HDAC9: variants seen among roughly 807,000 people sequenced by gnomAD.
HDAC9 encodes histone deacetylase 9, also known as MEF-2 interacting transcription repressor (MITR) protein.
In HDAC9, 41 loss-of-function variants were observed where a neutral mutation model predicts 139.4. That is an observed-to-expected ratio of 0.29 (90% CI 0.23 to 0.38). HDAC9 has a LOEUF of 0.38. Among genes scored for constraint, HDAC9 ranks in the 10% least tolerant of loss-of-function variants. The probability of loss-of-function intolerance (pLI) is 1.00; values close to 1 mark genes in which losing one functional copy is unlikely to be tolerated. For synonymous variants in HDAC9, 517 were observed against 476.2 expected (o/e 1.09, Z -1.12); for missense variants, 1,147 against 1,297.0 (o/e 0.88, Z 1.78).
At chr7:18,976,039 T>C (rs2129338057) in intron 25 of HDAC9, 86 bp downstream of exon 25, 1 of 1,379,016 alleles carries the variant, frequency 7.3e-7, no homozygotes, top group East Asian at 2.4e-5. Context: ...CTGGCTTTCC[T>C]TCACCTGTCT....
chr7:18,186,990 C>T (rs1287971899), intron 2 of HDAC9, among the ~76,000 whole-genome samples: 3 of 152,200 alleles, frequency 2.0e-5, no homozygotes, highest in Non-Finnish European at 4.4e-5. Flanking sequence ...GTGTTCAAAA[C>T]CCCTAGGCAT....
intron 24 of HDAC9, among the ~76,000 whole-genome samples, chr7:18,962,026 A>G (rs919921359): frequency 6.6e-6 from 1 of 152,224 alleles, no homozygotes; most frequent in Non-Finnish European, 1.5e-5. Flanking sequence ...AGATTTAGCC[A>G]CAGTCAGTTC....
intron 13 of HDAC9, among the ~76,000 whole-genome samples, chr7:18,740,306 C>A (rs577820497): frequency 6.6e-6 from 1 of 152,274 alleles, no homozygotes; most frequent in East Asian, 1.9e-4. Context: ...TTGAGATGAA[C>A]CAGGTACCTC....
intron 1 of HDAC9, among the ~76,000 whole-genome samples, chr7:18,305,330 A>G (rs1347655215): frequency 6.6e-6 from 1 of 152,222 alleles, no homozygotes; most frequent in Non-Finnish European, 1.5e-5. Flanking sequence ...GCAGGTTCTC[A>G]ATAAACAGTC....
rs755311898 is a variant in HDAC9, at chr7:18,590,408, A to C, written c.337A>C (p.Arg113=). 6.2e-7 allele frequency: 1 copy of C among 1,609,950 alleles called. No individual in the cohort carries two copies. The highest frequency in any genetic ancestry group is 1.7e-5 in the Admixed American group (1 of 59,324). ...LEKEQKLEQQ[R]QEQEVERHRR... is the part of the protein sequence containing the mutation. The stretch of plus-strand genomic sequence containing the variant: ...AAAGGAGCAGAAACTGGAGCAGCAG[A>C]GGCAAGAACAGGAAGTAGAGAGGCA... Residue 113 remains arginine, a synonymous_variant, in exon 4 of 26, where the codon AGG becomes CGG. Transcript: ENST00000686413.
intron 7 of HDAC9, among the ~76,000 whole-genome samples, chr7:18,632,485 A>G (rs1270021615): frequency 6.6e-6 from 1 of 152,080 alleles, no homozygotes; most frequent in Non-Finnish European, 1.5e-5. Context: ...GACATACGTT[A>G]TATGAGCCAG....
intron 13 of HDAC9, among the ~76,000 whole-genome samples, chr7:18,732,761 GTA>G (rs1312954319): frequency 5.1e-5 from 4 of 78,700 alleles, no homozygotes; most frequent in African/African-American, 6.5e-5. Context: ...ACACACACGT[GTA>G]TGTGTGCGTA....
At chr7:18,448,372 A>G (rs78546556) in intron 1 of HDAC9, among the ~76,000 whole-genome samples, 2,383 of 152,332 alleles carry the variant, frequency 0.016, 59 homozygotes, top group African/African-American at 0.055. Flanking sequence ...ACAATAATGC[A>G]TATTTATCGT....
intron 6 of HDAC9, among the ~76,000 whole-genome samples, chr7:18,598,282 C>T (rs553263699): frequency 2.6e-5 from 4 of 152,212 alleles, no homozygotes; most frequent in East Asian, 3.9e-4. Context: ...TCAAGATTGA[C>T]GAACACTGGA....
chr7:18,986,625 G>C (rs1785378645), intron 25 of HDAC9, among the ~76,000 whole-genome samples: 1 of 151,316 alleles, frequency 6.6e-6, no homozygotes, highest in African/African-American at 2.4e-5. Context: ...TTGGTAGCTT[G>C]ATGGGGATGG....
At chr7:18,346,063 T>C (rs372026146) in intron 1 of HDAC9, among the ~76,000 whole-genome samples, 3 of 152,232 alleles carry the variant, frequency 2.0e-5, no homozygotes, top group East Asian at 3.9e-4. Flanking sequence ...TTAGAAAATA[T>C]AGAAACAACA....
chr7:18,243,397 A>G (rs1420821879), intron 2 of HDAC9, among the ~76,000 whole-genome samples: 1 of 152,198 alleles, frequency 6.6e-6, no homozygotes, highest in African/African-American at 2.4e-5. Context: ...TGTTTTGCCA[A>G]AGTGTTCAAG....
chr7:18,219,365 A>G (rs1792526880), intron 2 of HDAC9, among the ~76,000 whole-genome samples: 1 of 152,186 alleles, frequency 6.6e-6, no homozygotes, highest in Non-Finnish European at 1.5e-5. Context: ...GTGTTGAAAA[A>G]TAATTGAATA....
chr7:18,952,508 T>G (rs1311406821), intron 23 of HDAC9, among the ~76,000 whole-genome samples: 1 of 151,940 alleles, frequency 6.6e-6, no homozygotes, highest in Non-Finnish European at 1.5e-5. Flanking sequence ...GAACATAGAG[T>G]GTCATTTCAA....
At chr7:18,572,411 C>T (rs564524544) in intron 2 of HDAC9, among the ~76,000 whole-genome samples, 1 of 150,458 alleles carries the variant, frequency 6.6e-6, no homozygotes, top group African/African-American at 2.5e-5. Flanking sequence ...TTATGAAACC[C>T]TATATTTGAG....
chr7:18,093,169 A>T (rs1319674409), intron 1 of HDAC9, among the ~76,000 whole-genome samples: 3 of 152,210 alleles, frequency 2.0e-5, no homozygotes, highest in Non-Finnish European at 4.4e-5. Flanking sequence ...AAACTCTGGC[A>T]GTTTAGTTTA....
At position 18,644,776 on chromosome 7, in the gene HDAC9, G is replaced by A. The variant is rs140253873; in HGVS notation, c.1018G>A (p.Val340Met). The change falls in exon 9 of 26, where the codon GTG becomes ATG. Residue 340 changes from valine (V) to methionine (M), a missense_variant. Val to Met is a conservative substitution (Grantham distance 21). Transcript: ENST00000686413. ...LPNITLGLPA[V>M]PSQLNASNSL... ...CAACATTACCTTGGGGCTTCCCGCA[G>A]TGCCATCCCAGCTCAATGTAAGTCA... The A allele has an allele frequency of 7.0e-5, 112 of 1,611,454 alleles. No homozygotes were observed. In the Admixed American group the frequency reaches 1.9e-3, roughly 27 times the overall value.
Position 18,749,081 on chromosome 7 carries a change from A to G in HDAC9, c.1986A>G (p.Gly662=), listed in dbSNP as rs753621673. 1 of 1,613,800 alleles carries G rather than the reference A, an allele frequency of 6.2e-7. No individual in the cohort carries two copies. ...CCACCACCCACCCTGAGCATGCTGG[A>G]CGAATACAGAGTATCTGGTCACGAC... is the stretch of plus-strand genomic sequence containing the variant. The part of the protein sequence containing the change: ...GNSTTHPEHA[G]RIQSIWSRLQ... The change falls in exon 14 of 26, where the codon GGA becomes GGG. Residue 662 remains glycine (G), a synonymous_variant. Coordinates refer to ENST00000686413, the MANE Select transcript of HDAC9 (RefSeq NM_178425.4).
intron 1 of HDAC9, among the ~76,000 whole-genome samples, chr7:18,349,240 G>C (rs977828194): frequency 2.7e-5 from 4 of 150,250 alleles, no homozygotes; most frequent in African/African-American, 7.4e-5. Context: ...CCTTAGGTAA[G>C]CTGTGCACCT....
Sources: allele counts gnomAD v4.1 joint callset (sites outside exome capture counted in the v4.1 genomes callset), GRCh38; gene constraint gnomAD v4.1.1; transcripts MANE v1.5; gene names NCBI Gene and HGNC (gene_info 2026-07-23, HGNC 2026-07-21).